Variants in CIT observed in about 807,000 individuals in gnomAD.
CIT encodes citron Rho-interacting kinase.
Under a neutral mutation model 272.7 loss-of-function variants are expected in CIT, and 79 were observed. The observed-to-expected ratio is 0.29, with a 90% CI of 0.24 to 0.35. The LOEUF (loss-of-function observed/expected upper bound fraction) is 0.35, where lower values mean the gene tolerates loss of function less well. Among genes scored for constraint, CIT ranks in the 10% least tolerant of loss-of-function variants. The probability of loss-of-function intolerance (pLI) is 1.00; values close to 1 mark genes in which losing one functional copy is unlikely to be tolerated. For missense variants in CIT, 1,909 were observed against 2,618.3 expected (o/e 0.73, Z 5.91); for synonymous variants, 948 against 995.6 (o/e 0.95, Z 0.90).
intron 3 of CIT, among the ~76,000 whole-genome samples, chr12:119,858,534 G>T (rs569552032): frequency 4.0e-5 from 6 of 151,076 alleles, no homozygotes; most frequent in African/African-American, 1.5e-4. Context: ...AAAAAAAGGC[G>T]TGGGGGCCAG....
intron 19 of CIT, among the ~76,000 whole-genome samples, chr12:119,761,900 C>A (rs1961848934): frequency 6.6e-6 from 1 of 152,044 alleles, no homozygotes; most frequent in Admixed American, 6.6e-5. Context: ...CTACGAGTTG[C>A]CAAAACAACA....
chr12:119,718,293 G>A lies in CIT; in HGVS notation c.4120C>T (p.Leu1374=), dbSNP rs1565935159. The A allele has an allele frequency of 6.2e-7, 1 of 1,613,974 alleles. No individual in the cohort carries two copies. The highest frequency in any genetic ancestry group is 8.5e-7 in the Non-Finnish European group (1 of 1,179,910). ...SPEHQPSAMS[L]LAPPSSRRKE... ...CTGCGGCTGGATGGCGGGGCCAGCA[G>A]GCTCATGGCACTGGGCTGGTGCTCT... The change falls in exon 32 of 48, where the codon CTG becomes TTG. Residue 1374 remains leucine (L), a synonymous_variant. Transcript: ENST00000392521. This position sits in a 1 kb window ranked among gnomAD's most constrained non-coding sequence, Gnocchi z 4.8.
rs1966498635 is a variant in CIT, at chr12:119,804,802, C to T, written c.1112-1413G>A. Among the ~76,000 whole-genome samples, 1 of 152,116 alleles carries T rather than the reference C, an allele frequency of 6.6e-6. No individual in the cohort carries two copies. The highest frequency in any genetic ancestry group is 2.1e-4 in the South Asian group (1 of 4,830). ...TTCCTGAGAAGTACAAAAGAACATT[C>T]CCAGAGCTTCAGGTACATTGAGATG... On this transcript the variant is annotated intron_variant, in intron 9 of 47. Transcript: ENST00000392521. The surrounding 1 kb of genome is among the most constrained non-coding windows in gnomAD (Gnocchi z 5.3).
chr12:119,838,462 A>G (rs566029782), intron 5 of CIT, among the ~76,000 whole-genome samples: 1 of 152,344 alleles, frequency 6.6e-6, no homozygotes, highest in African/African-American at 2.4e-5. Context: ...AAAGGATTCC[A>G]GGGAATAACC....
chr12:119,719,055 A>T (rs909758573), intron 30 of CIT, 194 bp from the exon 31 acceptor site: 1 of 582,284 alleles, frequency 1.7e-6, no homozygotes, highest in Non-Finnish European at 3.0e-6. Context: ...GCTGAAAAAA[A>T]TAGGGGTGCG....
intron 9 of CIT, among the ~76,000 whole-genome samples, chr12:119,821,295 CAA>C (rs34617126): frequency 5.1e-5 from 5 of 97,674 alleles, no homozygotes; most frequent in Non-Finnish European, 6.4e-5. Context: ...AACTCCGTCT[CAA>C]AAAAAAAAAA....
At chr12:119,847,141 T>TTC (rs1969864714) in intron 5 of CIT, among the ~76,000 whole-genome samples, 1 of 151,024 alleles carries the variant, frequency 6.6e-6, no homozygotes. Context: ...CCCGCCACCA[T>TTC]ACCTGCCTAA....
chr12:119,795,866 T>C (rs758220159), intron 10 of CIT, among the ~76,000 whole-genome samples: 4 of 152,266 alleles, frequency 2.6e-5, no homozygotes, highest in East Asian at 3.8e-4. Context: ...AGTACTCGCA[T>C]AGTTCTGGGA....
chr12:119,713,855 T>G lies in CIT; in HGVS notation c.4307-207A>C. The G allele has an allele frequency of 3.2e-6, 2 of 625,182 alleles. No individual in the cohort carries two copies. The highest frequency in any genetic ancestry group is 5.6e-6 in the Non-Finnish European group (2 of 357,696). 38.7% of individuals were successfully genotyped at this position (625,182 alleles called of 1,614,324 possible). The stretch of plus-strand genomic sequence containing the variant: ...GTGCCAAGTGCTCTTGACCCAGTTT[T>G]CCAGGCTTCAATCCAGACCGCCCAC... On this transcript the variant is annotated intron_variant, in intron 33 of 47. Coordinates refer to ENST00000392521, the MANE Select transcript of CIT (RefSeq NM_001206999.2). The surrounding 1 kb of genome is among the most constrained non-coding windows in gnomAD (Gnocchi z 5.2).
intron 13 of CIT, among the ~76,000 whole-genome samples, chr12:119,778,481 A>G (rs1447735509): frequency 6.6e-6 from 1 of 152,186 alleles, no homozygotes; most frequent in East Asian, 1.9e-4. Context: ...ATTCAGTAAC[A>G]TCTCTGAGAT....
intron 10 of CIT, among the ~76,000 whole-genome samples, chr12:119,787,511 C>T (rs1964902450): frequency 6.6e-6 from 1 of 151,306 alleles, no homozygotes; most frequent in Admixed American, 6.6e-5. Context: ...GCAAGCGGAT[C>T]ACGAGGTCAG....
At chr12:119,754,596 C>T (rs1011751865) in intron 22 of CIT, among the ~76,000 whole-genome samples, 2 of 152,232 alleles carry the variant, frequency 1.3e-5, no homozygotes, top group Non-Finnish European at 2.9e-5. Context: ...GCTAACGCTG[C>T]ACACACAAAG....
chr12:119,773,951 T>A (rs1385192302), intron 16 of CIT, among the ~76,000 whole-genome samples: 1 of 152,088 alleles, frequency 6.6e-6, no homozygotes, highest in Non-Finnish European at 1.5e-5. Flanking sequence ...AGTATGTCTA[T>A]AAAAAGGAAT....
chr12:119,743,163 G>A (rs1365724012), intron 23 of CIT, among the ~76,000 whole-genome samples: 7 of 152,008 alleles, frequency 4.6e-5, no homozygotes, highest in African/African-American at 1.4e-4. Flanking sequence ...ACGGAAGATC[G>A]GAAATGAATA....
At chr12:119,776,310 G>C in intron 15 of CIT, 48 bp downstream of exon 15, 1 of 1,475,642 alleles carries the variant, frequency 6.8e-7, no homozygotes, top group South Asian at 1.1e-5. Context: ...CATGAAAAAA[G>C]TTATCTACCC....
intron 22 of CIT, among the ~76,000 whole-genome samples, chr12:119,753,699 T>C (rs1960559338): frequency 2.0e-5 from 3 of 150,788 alleles, no homozygotes; most frequent in African/African-American, 4.9e-5. Context: ...ATTGCGCCAT[T>C]GTACTCCAGC....
chr12:119,803,614 T>G (rs1593808735), intron 9 of CIT: 1 of 384,734 alleles, frequency 2.6e-6, no homozygotes, highest in East Asian at 4.5e-5. Context: ...CCGCCTGGGG[T>G]AAACTGAAGA....
intron 16 of CIT, among the ~76,000 whole-genome samples, chr12:119,773,775 T>G (rs757064456): frequency 6.6e-6 from 1 of 152,160 alleles, no homozygotes. Flanking sequence ...TTAAATTACA[T>G]CTGTAAGTAA....
At chr12:119,704,039 C>T (rs984002380) in intron 41 of CIT, among the ~76,000 whole-genome samples, 71 of 152,184 alleles carry the variant, frequency 4.7e-4, no homozygotes, top group African/African-American at 1.7e-3. Flanking sequence ...TAGAAAGAGC[C>T]CCCCCTTTTT....
Sources: allele counts gnomAD v4.1 joint callset (sites outside exome capture counted in the v4.1 genomes callset), GRCh38; gene constraint gnomAD v4.1.1; non-coding constraint Gnocchi (gnomAD v3.1); transcripts MANE v1.5; gene names NCBI Gene and HGNC (gene_info 2026-07-23, HGNC 2026-07-21).